ADGRL3: variants seen among roughly 807,000 people sequenced by gnomAD.
ADGRL3 encodes calcium-independent alpha-latrotoxin receptor 3.
A neutral mutation model predicts 153.5 loss-of-function variants in ADGRL3; 62 were observed. The ratio of observed to expected loss-of-function variants is 0.40; its 90% CI spans 0.33 to 0.50. The LOEUF (loss-of-function observed/expected upper bound fraction) is 0.50. Ranked by LOEUF, ADGRL3 falls within the 20% of genes least tolerant of loss-of-function variation. The pLI, the probability that ADGRL3 is intolerant of heterozygous loss-of-function variation, is 0.47. For missense variants in ADGRL3, 1,641 were observed against 1,859.4 expected, an observed-to-expected ratio of 0.88 and a Z score of 2.16; for synonymous variants, 710 against 672.5, an observed-to-expected ratio of 1.06 and a Z score of -0.86.
rs547595369 is a variant in ADGRL3, at chr4:62,072,563, A to G, written c.*1655A>G. The G allele has an allele frequency of 6.6e-6, 1 of 152,536 alleles. No homozygotes were observed. The highest frequency in any genetic ancestry group is 1.5e-5 in the Non-Finnish European group (1 of 68,020). 9.4% of individuals were successfully genotyped at this position (152,536 alleles called of 1,614,324 possible). On this transcript the variant is annotated 3_prime_UTR_variant, in exon 27 of 27. Transcript: ENST00000683033. Reference sequence around the variant, plus strand: ...CTCTGTGGCCCAAATGAGCCATGCAAAAGAAATCAATCTGCCTAGATGAAT... The same window carrying G: ...CTCTGTGGCCCAAATGAGCCATGCAGAAGAAATCAATCTGCCTAGATGAAT...
chr4:61,770,029 G>A (rs1345886812), intron 8 of ADGRL3, among the ~76,000 whole-genome samples: 2 of 152,180 alleles, frequency 1.3e-5, no homozygotes, highest in Non-Finnish European at 2.9e-5. Flanking sequence ...CCTGACACAA[G>A]TAAACCTAAA....
At chr4:61,521,646 C>G (rs956700069) in intron 4 of ADGRL3, among the ~76,000 whole-genome samples, 8 of 152,038 alleles carry the variant, frequency 5.3e-5, no homozygotes, top group Admixed American at 5.2e-4. Flanking sequence ...GGCCAAATAA[C>G]AGGACTTAGA....
At chr4:61,239,061 G>C (rs1316262690) in intron 1 of ADGRL3, among the ~76,000 whole-genome samples, 1 of 152,084 alleles carries the variant, frequency 6.6e-6, no homozygotes, top group Non-Finnish European at 1.5e-5. Context: ...CTTCTTCATA[G>C]TTACTCCTTC....
intron 8 of ADGRL3, among the ~76,000 whole-genome samples, chr4:61,802,417 T>C (rs1318133992): frequency 1.3e-5 from 2 of 152,162 alleles, no homozygotes; most frequent in Non-Finnish European, 2.9e-5. Context: ...ACACCATCAC[T>C]GTAATTCTGC....
intron 1 of ADGRL3, among the ~76,000 whole-genome samples, chr4:61,263,511 T>C (rs1031509353): frequency 2.0e-5 from 3 of 151,438 alleles, no homozygotes; most frequent in African/African-American, 7.3e-5. Flanking sequence ...CTTTTTAATG[T>C]ATAATTCTAG....
At position 61,370,589 on chromosome 4, in the gene ADGRL3, G is replaced by C. The variant is rs867973154; in HGVS notation, c.-239-12535G>C. 1.4e-3 allele frequency among the ~76,000 whole-genome samples: 209 copies of C among 152,284 alleles called. 1 individual carries two copies. The highest frequency in any genetic ancestry group is 3.4e-3 in the Middle Eastern group (1 of 294). ...TTCTAGTTTGATTGCACTGTGGTCT[G>C]AGAGATAGTTTGTTATAATTTCTGT... On this transcript the variant is annotated intron_variant, in intron 1 of 26. Coordinates refer to ENST00000683033, the MANE Select transcript of ADGRL3 (RefSeq NM_001387552.1).
intron 2 of ADGRL3, among the ~76,000 whole-genome samples, chr4:61,449,796 G>T (rs1333322347): frequency 6.6e-6 from 1 of 152,106 alleles, no homozygotes. Context: ...GACAGGTAAC[G>T]TGTTCATATT....
chr4:62,020,371 A>G (rs1405288750), intron 21 of ADGRL3, among the ~76,000 whole-genome samples: 1 of 152,144 alleles, frequency 6.6e-6, no homozygotes, highest in African/African-American at 2.4e-5. Flanking sequence ...CAATGACCCT[A>G]CTTTATCAGC....
chr4:61,654,542 AT>A (rs748717111), intron 5 of ADGRL3, among the ~76,000 whole-genome samples: 1 of 151,918 alleles, frequency 6.6e-6, no homozygotes, highest in Non-Finnish European at 1.5e-5. Flanking sequence ...ATGTTCTATT[AT>A]TTTTTAAAAT....
At chr4:62,048,537 A>C (rs1732379169) in intron 25 of ADGRL3, among the ~76,000 whole-genome samples, 1 of 152,086 alleles carries the variant, frequency 6.6e-6, no homozygotes, top group Non-Finnish European at 1.5e-5. Context: ...CTGGGATTAC[A>C]GGCATGAGCC....
intron 1 of ADGRL3, among the ~76,000 whole-genome samples, chr4:61,321,195 T>A (rs2095348149): frequency 6.6e-6 from 1 of 152,194 alleles, no homozygotes; most frequent in South Asian, 2.1e-4. Context: ...CTTTAGGGCA[T>A]GGGCATCTTT....
intron 5 of ADGRL3, among the ~76,000 whole-genome samples, chr4:61,627,552 C>T (rs552178849): frequency 8.5e-5 from 13 of 152,140 alleles, no homozygotes; most frequent in Middle Eastern, 3.4e-3. Flanking sequence ...ACCTGGGAGG[C>T]GGAGGTTGCA....
At chr4:61,297,897 A>AG (rs2094464612) in intron 1 of ADGRL3, among the ~76,000 whole-genome samples, 2 of 152,128 alleles carry the variant, frequency 1.3e-5, no homozygotes, top group African/African-American at 4.8e-5. Flanking sequence ...TTACAGTATC[A>AG]TTTGCGAGAC....
At chr4:61,340,874 C>T (rs1002450434) in intron 1 of ADGRL3, among the ~76,000 whole-genome samples, 2 of 150,924 alleles carry the variant, frequency 1.3e-5, no homozygotes, top group Admixed American at 6.6e-5. Context: ...AACCATATAC[C>T]AATATATACC....
At chr4:61,545,224 A>G (rs2098708130) in intron 4 of ADGRL3, among the ~76,000 whole-genome samples, 1 of 152,170 alleles carries the variant, frequency 6.6e-6, no homozygotes, top group Non-Finnish European at 1.5e-5. Context: ...CCCGTTACCC[A>G]GCCCATGTTC....
At chr4:61,586,893 A>G (rs917630195) in intron 4 of ADGRL3, among the ~76,000 whole-genome samples, 9 of 152,098 alleles carry the variant, frequency 5.9e-5, no homozygotes, top group Non-Finnish European at 1.3e-4. Flanking sequence ...TTTTATTTGA[A>G]TATCTGACTG....
At chr4:61,322,816 C>G (rs2095387782) in intron 1 of ADGRL3, among the ~76,000 whole-genome samples, 4 of 152,206 alleles carry the variant, frequency 2.6e-5, no homozygotes, top group Admixed American at 2.6e-4. Flanking sequence ...ACGGTGCAAG[C>G]TGTCAGTGTA....
chr4:61,415,239 T>G (rs537958259), intron 2 of ADGRL3, among the ~76,000 whole-genome samples: 1 of 152,072 alleles, frequency 6.6e-6, no homozygotes, highest in African/African-American at 2.4e-5. Context: ...CTAGATTTAT[T>G]TATTAAAAGA....
chr4:61,853,604 T>C (rs1164633303), intron 9 of ADGRL3, among the ~76,000 whole-genome samples: 2 of 152,314 alleles, frequency 1.3e-5, no homozygotes, highest in East Asian at 1.9e-4. Flanking sequence ...GAAGAACATT[T>C]CCCCCGTAGA....
Sources: gnomAD v4.1 joint callset for allele counts (sites outside exome capture counted in the v4.1 genomes callset) on GRCh38, gnomAD v4.1.1 for gene constraint, MANE v1.5 for transcripts, NCBI Gene and HGNC (gene_info 2026-07-23, HGNC 2026-07-21) for gene names.